The following CDH11 variants were observed in gnomAD, a reference collection of about 807,000 sequenced individuals.
CDH11 encodes cadherin-11.
In CDH11, 11 loss-of-function variants were observed where a neutral mutation model predicts 67.8. That is an observed-to-expected ratio of 0.16 (90% CI 0.10 to 0.27). CDH11 has a LOEUF of 0.27. Among genes scored for constraint, CDH11 ranks in the 10% least tolerant of loss-of-function variants. CDH11 has a pLI of 1.00. For missense variants in CDH11, 847 were observed against 1,031.2 expected (o/e 0.82, Z 2.45); for synonymous variants, 419 against 400.0 (o/e 1.05, Z -0.57).
chr16:65,037,084 T>C (rs1458899148), intron 2 of CDH11, among the ~76,000 whole-genome samples: 2 of 152,166 alleles, frequency 1.3e-5, no homozygotes, highest in Non-Finnish European at 2.9e-5. Context: ...CAGCCTGCTC[T>C]GGGCAACATC....
chr16:65,104,113 T>G (rs2075033197), intron 1 of CDH11, among the ~76,000 whole-genome samples: 1 of 152,156 alleles, frequency 6.6e-6, no homozygotes, highest in African/African-American at 2.4e-5. Flanking sequence ...TGGAGAAAAT[T>G]GAGTTCTTAT....
intron 2 of CDH11, among the ~76,000 whole-genome samples, chr16:65,044,010 T>A (rs1043974976): frequency 1.3e-5 from 2 of 152,118 alleles, no homozygotes; most frequent in African/African-American, 4.8e-5. Context: ...ACAAGGAAGG[T>A]CTCTGCAGTT....
At chr16:65,041,242 A>C (rs932593026) in intron 2 of CDH11, among the ~76,000 whole-genome samples, 5 of 152,156 alleles carry the variant, frequency 3.3e-5, no homozygotes, top group Admixed American at 1.3e-4. Flanking sequence ...CCAGCACCTC[A>C]GCTCAGAGCT....
chr16:64,988,288 C>T lies in CDH11; in HGVS notation c.868G>A (p.Val290Met), dbSNP rs199667105. 22 of 1,613,614 alleles carry T rather than the reference C, an allele frequency of 1.4e-5. No individual in the cohort carries two copies. Among genetic ancestry groups the T allele is most frequent in the Non-Finnish European group, 1.9e-5 (22 of 1,179,776 alleles). The change falls in exon 7 of 13, where the codon GTG becomes ATG. Residue 290 changes from valine (V) to methionine (M), a missense_variant. Physicochemically the swap from Val to Met is conservative, Grantham distance 21 (BLOSUM62 1). This residue lies in a region of CDH11 where 612 missense variants were observed against 678.7 expected (regional missense o/e 0.90). Transcript: ENST00000268603. ...CCAATGTCTGGATCTTTAGCTTTCA[C>T]TCTTCCTACTTCCTCCCCAGGGACG... Reference protein sequence around the residue: ...AAVPGEEVGRVKAKDPDIGEN... With the variant: ...AAVPGEEVGRMKAKDPDIGEN...
intron 11 of CDH11, among the ~76,000 whole-genome samples, chr16:64,954,862 G>C (rs1304034102): frequency 6.6e-6 from 1 of 151,288 alleles, no homozygotes; most frequent in Non-Finnish European, 1.5e-5. Context: ...CCCAGCACTT[G>C]GGAGAACCAG....
At chr16:64,963,729 C>T (rs147722212) in intron 11 of CDH11, among the ~76,000 whole-genome samples, 67 of 152,088 alleles carry the variant, frequency 4.4e-4, no homozygotes, top group African/African-American at 1.5e-3. Flanking sequence ...CCCACCTTAC[C>T]CGTAGAGGAA....
In CDH11 at chr16:65,114,549, G is replaced by T. The variant is rs147893357; in HGVS notation, c.-298+7331C>A. ...GGTTGTACAGACTAGATGAGGTACC[G>T]AGTAGAGCGTCCGGCACACAGTAGG... On this transcript the variant is annotated intron_variant, in intron 1 of 12. Coordinates refer to ENST00000268603, the MANE Select transcript of CDH11 (RefSeq NM_001797.4). Among the ~76,000 whole-genome samples, 616 of 152,206 alleles carry T rather than the reference G, an allele frequency of 4.0e-3. 6 individuals are homozygous for T. The highest frequency in any genetic ancestry group is 0.014 in the African/African-American group (586 of 41,544).
rs544168972 is a variant in CDH11 at position 64,977,273 on chromosome 16, G to T, written c.1254-4233C>A. ...TTTCTAAATAACAAAGACCCAAGTAGGTGGGAGTGGGCGGTTGGTTCAAGT... is the reference window on the plus strand; with the variant it reads ...TTTCTAAATAACAAAGACCCAAGTATGTGGGAGTGGGCGGTTGGTTCAAGT... On this transcript the variant is annotated intron_variant, in intron 8 of 12. Transcript: ENST00000268603. Among the ~76,000 whole-genome samples, 3 of 152,294 alleles carry T rather than the reference G, an allele frequency of 2.0e-5. No individual in the cohort carries two copies. The South Asian group carries it at 6.2e-4, about 32-fold the overall frequency.
intron 11 of CDH11, among the ~76,000 whole-genome samples, chr16:64,961,777 C>T (rs2071681819): frequency 6.6e-6 from 1 of 151,890 alleles, no homozygotes; most frequent in South Asian, 2.1e-4. Flanking sequence ...TTATAATTAC[C>T]AGGTCACTAG....
At chr16:65,086,524 G>A (rs184864939) in intron 1 of CDH11, among the ~76,000 whole-genome samples, 3 of 152,320 alleles carry the variant, frequency 2.0e-5, no homozygotes, top group African/African-American at 7.2e-5. Context: ...GATTATGAAG[G>A]CACCTTCCTG....
chr16:65,092,598 G>A (rs1484919466), intron 1 of CDH11, among the ~76,000 whole-genome samples: 1 of 152,108 alleles, frequency 6.6e-6, no homozygotes, highest in Non-Finnish European at 1.5e-5. Context: ...AGGAGCTGAG[G>A]AACATGGCCA....
chr16:65,074,610 C>T (rs775021338), intron 1 of CDH11, among the ~76,000 whole-genome samples: 3 of 152,058 alleles, frequency 2.0e-5, no homozygotes, highest in Admixed American at 6.5e-5. Context: ...TATGGATGTA[C>T]CCTTGTGTGT....
chr16:65,097,616 C>CACCACTGTTCTAGGGGCAAA (rs58551139), intron 1 of CDH11, among the ~76,000 whole-genome samples: 1 of 152,112 alleles, frequency 6.6e-6, no homozygotes, highest in African/African-American at 2.4e-5. Context: ...GGGGCAAAAT[C>CACCACTGTTCTAGGGGCAAA]ATTATTATTA....
At chr16:65,096,116 T>C (rs1414048187) in intron 1 of CDH11, among the ~76,000 whole-genome samples, 1 of 152,192 alleles carries the variant, frequency 6.6e-6, no homozygotes, top group African/African-American at 2.4e-5. Context: ...GAATACATAA[T>C]TCGATGACCT....
At chr16:65,039,560 T>C (rs2142657951) in intron 2 of CDH11, among the ~76,000 whole-genome samples, 1 of 152,230 alleles carries the variant, frequency 6.6e-6, no homozygotes, top group African/African-American at 2.4e-5. Flanking sequence ...AGAAATTAAT[T>C]CAAATGAATT....
At chr16:65,064,336 A>T (rs987264978) in intron 1 of CDH11, among the ~76,000 whole-genome samples, 1 of 152,226 alleles carries the variant, frequency 6.6e-6, no homozygotes, top group African/African-American at 2.4e-5. Flanking sequence ...GCAACATAAC[A>T]CCTCACATTC....
chr16:65,063,928 C>T (rs146886759), intron 1 of CDH11, among the ~76,000 whole-genome samples: 103 of 152,296 alleles, frequency 6.8e-4, no homozygotes, highest in Non-Finnish European at 1.3e-3. Context: ...GTGTTCCAAC[C>T]ACACTTCAGG....
intron 1 of CDH11, among the ~76,000 whole-genome samples, chr16:65,109,873 A>ATGTTTGTT (rs146439648): frequency 6.6e-6 from 1 of 151,682 alleles, no homozygotes; most frequent in African/African-American, 2.4e-5. Context: ...GGACTATTCA[A>ATGTTTGTT]TGTTTGTTTG....
At chr16:65,022,793 G>T (rs980309714) in intron 2 of CDH11, among the ~76,000 whole-genome samples, 2 of 152,094 alleles carry the variant, frequency 1.3e-5, no homozygotes, top group African/African-American at 4.8e-5. Context: ...CCCAAGTACT[G>T]GCCAGTGAGG....
Sources: allele counts gnomAD v4.1 joint callset (sites outside exome capture counted in the v4.1 genomes callset), GRCh38; gene constraint gnomAD v4.1.1; regional missense constraint gnomAD v4.1.1; transcripts MANE v1.5; gene names NCBI Gene and HGNC (gene_info 2026-07-23, HGNC 2026-07-21).